R3HDM1: variants seen among roughly 807,000 people sequenced by gnomAD.
R3HDM1 encodes R3H domain-containing protein 1.
A neutral mutation model predicts 141.1 loss-of-function variants in R3HDM1; 46 were observed. The observed-to-expected ratio is 0.33, with a 90% CI of 0.26 to 0.42. The LOEUF (loss-of-function observed/expected upper bound fraction) is 0.42. R3HDM1 is among the 10% of genes least tolerant of loss of function. The pLI, the probability that R3HDM1 is intolerant of heterozygous loss-of-function variation, is 1.00. For synonymous variants in R3HDM1, 435 were observed against 472.9 expected, an observed-to-expected ratio of 0.92 and a Z score of 1.04; for missense variants, 1,184 against 1,368.3, an observed-to-expected ratio of 0.87 and a Z score of 2.12.
chr2:135,666,156 C>T (rs2067463432), intron 19 of R3HDM1, among the ~76,000 whole-genome samples: 1 of 152,142 alleles, frequency 6.6e-6, no homozygotes, highest in Non-Finnish European at 1.5e-5. Flanking sequence ...TTAGGATAAA[C>T]AGTCTTCAAT....
chr2:135,619,868 A>G (rs1411679922), intron 5 of R3HDM1: 6 of 257,360 alleles, frequency 2.3e-5, no homozygotes, highest in Non-Finnish European at 3.0e-5. Context: ...CCTCAATAAC[A>G]GATGTTATTG....
chr2:135,574,118 C>G (rs577811709), intron 1 of R3HDM1, among the ~76,000 whole-genome samples: 1 of 152,106 alleles, frequency 6.6e-6, no homozygotes, highest in East Asian at 1.9e-4. Context: ...GGTTAGCTAA[C>G]TTAATCATGT....
intron 24 of R3HDM1, among the ~76,000 whole-genome samples, chr2:135,720,617 T>C (rs1018371858): frequency 3.9e-5 from 6 of 152,238 alleles, no homozygotes; most frequent in Non-Finnish European, 8.8e-5. Flanking sequence ...TTTACTGATT[T>C]AGGAAGGGAA....
chr2:135,559,194 C>G (rs1701354817), intron 1 of R3HDM1: 4 of 311,996 alleles, frequency 1.3e-5, no homozygotes, highest in Non-Finnish European at 1.9e-5. Context: ...TCACTGCAGT[C>G]TCGACCTTCT....
Position 135,616,698 on chromosome 2 carries a change from C to T in R3HDM1, c.244C>T (p.Leu82Phe). 2 of 1,609,586 alleles carry T rather than the reference C, an allele frequency of 1.2e-6. No individual in the cohort carries two copies. The highest frequency in any genetic ancestry group is 1.7e-6 in the Non-Finnish European group (2 of 1,177,336). The stretch of plus-strand genomic sequence containing the variant: ...CTCAAAGTTAAAGCTAGTTCGGAGC[C>T]TTGCAGTGTGTGAAGAATCTCCACC... ...SSSKLKLVRS[L>F]AVCEESPPPP... Residue 82 changes from leucine (L) to phenylalanine (F), a missense_variant, in exon 5 of 27, where the codon CTT (leucine) becomes TTT (phenylalanine). Leu to Phe is a conservative substitution (Grantham distance 22). Transcript: ENST00000683871.
chr2:135,615,248 T>TG (rs576918409), intron 3 of R3HDM1, among the ~76,000 whole-genome samples: 2 of 98,968 alleles, frequency 2.0e-5, no homozygotes, highest in African/African-American at 6.3e-5. Context: ...AAATGATGGG[T>TG]TTTTTTTTTT....
At chr2:135,556,521 CTT>C (rs767659497) in intron 1 of R3HDM1, among the ~76,000 whole-genome samples, 14 of 141,178 alleles carry the variant, frequency 9.9e-5, no homozygotes, top group Non-Finnish European at 9.3e-5. Flanking sequence ...CTATGTCAGA[CTT>C]TTTTTTTTTT....
chr2:135,622,113 G>A, intron 6 of R3HDM1: 1 of 981,030 alleles, frequency 1.0e-6, no homozygotes, highest in Non-Finnish European at 1.2e-6. Flanking sequence ...ATAGTATAAA[G>A]ATACTACATT....
At chr2:135,655,793 C>G (rs1324589990) in intron 18 of R3HDM1, among the ~76,000 whole-genome samples, 2 of 152,234 alleles carry the variant, frequency 1.3e-5, no homozygotes, top group Admixed American at 1.3e-4. Context: ...CGCACCTGGC[C>G]TACTCTGTTC....
intron 21 of R3HDM1, among the ~76,000 whole-genome samples, chr2:135,703,137 C>T (rs2074456764): frequency 6.6e-6 from 1 of 152,154 alleles, no homozygotes; most frequent in East Asian, 1.9e-4. Context: ...GGCATCTTTT[C>T]CATTAAATAT....
At chr2:135,635,258 T>C (rs1158815563) in intron 9 of R3HDM1, among the ~76,000 whole-genome samples, 2 of 152,210 alleles carry the variant, frequency 1.3e-5, no homozygotes, top group Non-Finnish European at 2.9e-5. Context: ...AACACCAAAC[T>C]AGGTACCATA....
At chr2:135,635,084 T>G (rs1559303721) in intron 9 of R3HDM1, among the ~76,000 whole-genome samples, 1 of 152,212 alleles carries the variant, frequency 6.6e-6, no homozygotes, top group Non-Finnish European at 1.5e-5. Context: ...TTACTTTAGG[T>G]CACAACTTTG....
Position 135,680,265 on chromosome 2 carries a change from C to T in R3HDM1, c.2400C>T (p.Pro800=), listed in dbSNP as rs1466247808. 6.2e-7 allele frequency: 1 copy of T among 1,613,804 alleles called. No homozygotes were observed. Among genetic ancestry groups the T allele is most frequent in the East Asian group, 2.2e-5 (1 of 44,874 alleles). The change falls in exon 21 of 27, where the codon CCC becomes CCT. Residue 800 remains proline (P), a synonymous_variant. Transcript: ENST00000683871. ...ATCAGTCTAATCAAGGATCTATGCC[C>T]ACAACAGGAATGCCTGTTTACTATA... ...FPNQSNQGSM[P]TTGMPVYYSV... is the part of the protein sequence containing the mutation.
intron 1 of R3HDM1, among the ~76,000 whole-genome samples, chr2:135,595,849 C>G (rs1360748872): frequency 6.6e-6 from 1 of 152,134 alleles, no homozygotes; most frequent in Admixed American, 6.5e-5. Context: ...TGTCTAAACC[C>G]TAGTCACTTT....
At chr2:135,592,699 G>C (rs1012696657) in intron 1 of R3HDM1, among the ~76,000 whole-genome samples, 6 of 151,740 alleles carry the variant, frequency 4.0e-5, no homozygotes, top group Non-Finnish European at 8.8e-5. Context: ...AGCATGACTA[G>C]ATGGTAATAC....
intron 19 of R3HDM1, chr2:135,669,669 G>A: frequency 2.6e-6 from 2 of 770,266 alleles, no homozygotes; most frequent in South Asian, 5.9e-5. Context: ...TTTGATAGCT[G>A]TTGATCATAG....
rs190608468 is a variant in R3HDM1, at chr2:135,696,030, A to T, written c.2460-13403A>T. Reference sequence around the variant, plus strand: ...GGAAACAGTTTGTTTTAAACGTTAAACCCAATTATTCCACTTCCAAGTATT... The same window carrying T: ...GGAAACAGTTTGTTTTAAACGTTAATCCCAATTATTCCACTTCCAAGTATT... On this transcript the variant is annotated intron_variant, in intron 21 of 26. Transcript: ENST00000683871. Among the ~76,000 whole-genome samples, 125 of 152,332 alleles carry T rather than the reference A, an allele frequency of 8.2e-4. 2 individuals are homozygous for T. The highest frequency in any genetic ancestry group is 6.1e-3 in the Admixed American group (94 of 15,302).
At chr2:135,667,705 A>C in intron 19 of R3HDM1, 1 of 978,738 alleles carries the variant, frequency 1.0e-6, no homozygotes, top group African/African-American at 1.7e-5. Context: ...GATACTTTTC[A>C]TTCTCTAGAA....
intron 1 of R3HDM1, among the ~76,000 whole-genome samples, chr2:135,567,463 GT>G (rs1235473237): frequency 6.6e-6 from 1 of 152,174 alleles, no homozygotes; most frequent in Non-Finnish European, 1.5e-5. Context: ...TGGGGAAGGG[GT>G]CTAGGGGCTT....
Sources: allele counts gnomAD v4.1 joint callset (sites outside exome capture counted in the v4.1 genomes callset), GRCh38; gene constraint gnomAD v4.1.1; transcripts MANE v1.5; gene names NCBI Gene and HGNC (gene_info 2026-07-23, HGNC 2026-07-21).